The following FBXO17 variants were observed in gnomAD, a reference collection of about 807,000 sequenced individuals.
FBXO17 encodes F-box protein 17, also known as F-box only protein 17.
FBXO17 carries 43 observed loss-of-function variants against 34.1 expected under a neutral mutation model. The ratio of observed to expected loss-of-function variants is 1.26; its 90% CI spans 0.99 to 1.62. FBXO17 has a LOEUF of 1.62. Among genes scored for constraint, FBXO17 ranks in the 40% most tolerant of loss-of-function variants. FBXO17 has a pLI of 0.00. For missense variants in FBXO17, 424 were observed against 386.7 expected, an observed-to-expected ratio of 1.10 and a Z score of -0.81; for synonymous variants, 169 against 166.0, an observed-to-expected ratio of 1.02 and a Z score of -0.14.
chr19:38,956,048 CT>C (rs1975162253), intron 1 of FBXO17, among the ~76,000 whole-genome samples: 1 of 151,688 alleles, frequency 6.6e-6, no homozygotes, highest in African/African-American at 2.4e-5. Flanking sequence ...AGCGGATCAC[CT>C]GAGGTCGGGA....
chr19:38,967,568 ATT>A (rs59028401), intron 1 of FBXO17, among the ~76,000 whole-genome samples: 94,062 of 148,198 alleles, frequency 0.63, 29,722 homozygotes, highest in East Asian at 0.76. Context: ...GGAAAATGCA[ATT>A]TTTTTTTTTT....
intron 1 of FBXO17, among the ~76,000 whole-genome samples, chr19:38,970,271 G>A (rs1432082075): frequency 6.6e-6 from 1 of 151,604 alleles, no homozygotes; most frequent in African/African-American, 2.4e-5. Context: ...GCATGGCCAC[G>A]ATCATAGCTC....
chr19:38,967,716 A>G (rs546432485), intron 1 of FBXO17, among the ~76,000 whole-genome samples: 3 of 151,932 alleles, frequency 2.0e-5, no homozygotes, highest in Admixed American at 2.0e-4. Context: ...AGATGCACCC[A>G]CCACCACATT....
At chr19:38,955,605 T>TCCTGATC (rs1475911047) in intron 1 of FBXO17, among the ~76,000 whole-genome samples, 1 of 150,922 alleles carries the variant, frequency 6.6e-6, no homozygotes, top group Non-Finnish European at 1.5e-5. Context: ...TGCCTCAGCC[T>TCCTGATC]CCTGATTAGC....
chr19:38,961,654 A>G (rs1162276755), intron 1 of FBXO17, among the ~76,000 whole-genome samples: 2 of 91,304 alleles, frequency 2.2e-5, no homozygotes, highest in East Asian at 1.9e-3. Flanking sequence ...GTCAACTACT[A>G]TTCTGTTTTG....
intron 5 of FBXO17, among the ~76,000 whole-genome samples, chr19:38,943,885 C>T (rs993355359): frequency 1.6e-4 from 25 of 152,298 alleles, no homozygotes; most frequent in African/African-American, 3.4e-4. Context: ...CCACCACACC[C>T]GGCCCAAAAT....
intron 4 of FBXO17, 49 bp downstream of exon 4, chr19:38,946,423 G>A (rs767390594): frequency 3.7e-5 from 60 of 1,610,958 alleles, no homozygotes; most frequent in South Asian, 1.9e-4. Flanking sequence ...TTGCAGAGCC[G>A]CTGCCAAGCC....
At chr19:38,956,632 G>A (rs747567715) in intron 1 of FBXO17, among the ~76,000 whole-genome samples, 2 of 152,124 alleles carry the variant, frequency 1.3e-5, no homozygotes, top group Non-Finnish European at 2.9e-5. Context: ...TGTAATCCCA[G>A]CATTTTGGGA....
chr19:38,975,416 G>A lies in FBXO17; in HGVS notation c.-18+170C>T, dbSNP rs1975448078. 6.6e-6 allele frequency among the ~76,000 whole-genome samples: 1 copy of A among 152,212 alleles called. No homozygotes were observed. The highest frequency in any genetic ancestry group is 1.5e-5 in the Non-Finnish European group (1 of 68,034). On this transcript the variant is annotated intron_variant, in intron 1 of 5. Transcript: ENST00000292852. The surrounding 1 kb of genome is among the most constrained non-coding windows in gnomAD (Gnocchi z 4.9). ...AACTTTGGGTTTAAAGGAGCCTCAG[G>A]CCGAGGGAGGGCCCGGGAAAGCGAC...
intron 1 of FBXO17, among the ~76,000 whole-genome samples, chr19:38,972,245 AAC>A (rs141806249): frequency 0.013 from 2,005 of 152,206 alleles, 49 homozygotes; most frequent in African/African-American, 0.043. Flanking sequence ...GAAAAAAACA[AAC>A]AAAAAAACTA....
rs377041474 is a variant in FBXO17, at chr19:38,943,628, C to T, written c.694-877G>A. On this transcript the variant is annotated intron_variant, in intron 5 of 5. Transcript: ENST00000292852. The stretch of plus-strand genomic sequence containing the variant: ...ATTTTGAGGCCAAGACTCGCTCCAT[C>T]GCCCAGGCTGGAGTGCAGTGGCATG... 1.7e-3 allele frequency among the ~76,000 whole-genome samples: 260 copies of T among 152,168 alleles called. 1 individual carries two copies. The highest frequency in any genetic ancestry group is 5.6e-3 in the African/African-American group (233 of 41,488).
At chr19:38,959,804 G>A (rs1238622224) in intron 1 of FBXO17, among the ~76,000 whole-genome samples, 1 of 152,118 alleles carries the variant, frequency 6.6e-6, no homozygotes, top group Non-Finnish European at 1.5e-5. Context: ...GCTGAGGTGA[G>A]AGGATTGCTT....
At chr19:38,947,529 G>A (rs558237734) in intron 3 of FBXO17, 2 of 152,244 alleles carry the variant, frequency 1.3e-5, no homozygotes, top group South Asian at 4.2e-4. Flanking sequence ...AGAGGCTGCA[G>A]TGAGCCAAGA....
chr19:38,970,300 T>C (rs1469180146), intron 1 of FBXO17, among the ~76,000 whole-genome samples: 2 of 151,968 alleles, frequency 1.3e-5, no homozygotes, highest in African/African-American at 4.8e-5. Context: ...CTCCAATTTC[T>C]GGACTAAATC....
At chr19:38,970,675 C>A (rs779370528) in intron 1 of FBXO17, among the ~76,000 whole-genome samples, 104 of 152,166 alleles carry the variant, frequency 6.8e-4, no homozygotes, top group Admixed American at 2.4e-3. Flanking sequence ...TTTGTATAGT[C>A]TTTAGTTACT....
chr19:38,944,777 G>A, intron 5 of FBXO17, 192 bp downstream of exon 5: 1 of 723,650 alleles, frequency 1.4e-6, no homozygotes, highest in Non-Finnish European at 2.2e-6. Context: ...AACATTAAGG[G>A]GTTTTGCTAA....
At chr19:38,969,108 A>G (rs1278891360) in intron 1 of FBXO17, among the ~76,000 whole-genome samples, 1 of 152,310 alleles carries the variant, frequency 6.6e-6, no homozygotes, top group Non-Finnish European at 1.5e-5. Flanking sequence ...TAGGGCTTAA[A>G]TATGGAAACA....
chr19:38,965,386 G>A lies in FBXO17; in HGVS notation c.-18+10200C>T, dbSNP rs1386269543. 4.0e-5 allele frequency among the ~76,000 whole-genome samples: 6 copies of A among 150,040 alleles called. 1 individual carries two copies. The South Asian group carries it at 6.3e-4, about 16-fold the overall frequency. On this transcript the variant is annotated intron_variant, in intron 1 of 5. Coordinates refer to ENST00000292852, the MANE Select transcript of FBXO17 (RefSeq NM_024907.7). ...CTCTGTCGCCCAGGCTGGAGTGCAT[G>A]ACACAATCTCAGCTCACTGCAACCT...
intron 1 of FBXO17, among the ~76,000 whole-genome samples, chr19:38,959,686 T>C (rs1288190249): frequency 1.3e-5 from 2 of 151,766 alleles, no homozygotes; most frequent in African/African-American, 4.8e-5. Flanking sequence ...AACCCGGGGG[T>C]TCGAGACCAG....
Sources: allele counts gnomAD v4.1 joint callset (sites outside exome capture counted in the v4.1 genomes callset), GRCh38; gene constraint gnomAD v4.1.1; non-coding constraint Gnocchi (gnomAD v3.1); transcripts MANE v1.5; gene names NCBI Gene and HGNC (gene_info 2026-07-23, HGNC 2026-07-21).